TEAD1: variants seen among roughly 807,000 people sequenced by gnomAD.
TEAD1 encodes TEA domain transcription factor 1, also known as transcriptional enhancer factor TEF-1.
A neutral mutation model predicts 54.9 loss-of-function variants in TEAD1; 9 were observed. The observed-to-expected ratio is 0.16, with a 90% confidence interval of 0.10 to 0.29. The LOEUF (loss-of-function observed/expected upper bound fraction) is 0.29. Ranked by LOEUF, TEAD1 falls within the 10% of genes least tolerant of loss-of-function variation. The pLI is 1.00. For synonymous variants in TEAD1, 200 were observed against 187.8 expected, an observed-to-expected ratio of 1.07 and a Z score of -0.53; for missense variants, 387 against 535.9, an observed-to-expected ratio of 0.72 and a Z score of 2.74.
chr11:12,677,398 T>C (rs866055559), intron 2 of TEAD1, among the ~76,000 whole-genome samples: 4 of 152,064 alleles, frequency 2.6e-5, no homozygotes, highest in Middle Eastern at 3.2e-3. Flanking sequence ...CCTCCTCCCT[T>C]TCCCATTTCC....
intron 3 of TEAD1, among the ~76,000 whole-genome samples, chr11:12,785,635 C>A (rs1026763976): frequency 6.6e-6 from 1 of 152,148 alleles, no homozygotes; most frequent in East Asian, 1.9e-4. Context: ...CATCCCCTAC[C>A]GTCCTGGTCC....
intron 10 of TEAD1, among the ~76,000 whole-genome samples, chr11:12,919,541 G>A (rs1254141308): frequency 2.0e-5 from 3 of 151,870 alleles, no homozygotes; most frequent in Non-Finnish European, 4.4e-5. Context: ...TACCCAGGCT[G>A]GAGTGCAGTG....
intron 2 of TEAD1, among the ~76,000 whole-genome samples, chr11:12,688,888 C>T (rs557291101): frequency 1.4e-4 from 22 of 152,236 alleles, no homozygotes; most frequent in Admixed American, 9.8e-4. Context: ...GTTTTCCTCC[C>T]GAATAACATA....
chr11:12,861,898 A>G (rs1407234751), intron 3 of TEAD1, among the ~76,000 whole-genome samples: 1 of 152,058 alleles, frequency 6.6e-6, no homozygotes, highest in African/African-American at 2.4e-5. Context: ...AGGCAGGAGA[A>G]TCACTTGAAC....
At chr11:12,821,458 A>C (rs1437144786) in intron 3 of TEAD1, among the ~76,000 whole-genome samples, 1 of 152,222 alleles carries the variant, frequency 6.6e-6, no homozygotes, top group Non-Finnish European at 1.5e-5. Flanking sequence ...ATTTTTGTTC[A>C]TAATTGTATC....
intron 3 of TEAD1, chr11:12,848,957 A>G (rs943982856): frequency 6.6e-6 from 1 of 152,122 alleles, no homozygotes; most frequent in Non-Finnish European, 1.5e-5. Flanking sequence ...CTCACCAAAA[A>G]AATAAAATAA....
At chr11:12,843,536 CTT>C (rs751200366) in intron 3 of TEAD1, among the ~76,000 whole-genome samples, 34 of 152,172 alleles carry the variant, frequency 2.2e-4, no homozygotes, top group Non-Finnish European at 4.7e-4. Flanking sequence ...TTAAACCAGT[CTT>C]AGAGTAAATT....
At chr11:12,746,705 G>C (rs557725308) in intron 2 of TEAD1, among the ~76,000 whole-genome samples, 1 of 152,108 alleles carries the variant, frequency 6.6e-6, no homozygotes, top group African/African-American at 2.4e-5. Flanking sequence ...CACTTGGCCC[G>C]CATGCGTGGT....
Position 12,937,304 on chromosome 11 carries a change from G to C in TEAD1, c.*82G>C. 8.4e-7 allele frequency: 1 copy of C among 1,196,216 alleles called. No individual in the cohort carries two copies. The highest frequency in any genetic ancestry group is 1.2e-6 in the Non-Finnish European group (1 of 820,980). The allele number at this position is 1,196,216 out of a possible 1,614,324, so 74.1% of individuals were successfully genotyped here. On this transcript the variant is annotated 3_prime_UTR_variant, in exon 13 of 13. Coordinates refer to ENST00000527636, the MANE Select transcript of TEAD1 (RefSeq NM_021961.6). ...ACACACTCTCTCTCCATTATCGAAC[G>C]ACTGACTGTAAACCTCACCACACAG...
intron 12 of TEAD1, among the ~76,000 whole-genome samples, chr11:12,930,924 G>A (rs1027437153): frequency 1.3e-5 from 2 of 152,312 alleles, no homozygotes; most frequent in Middle Eastern, 3.4e-3. Flanking sequence ...AGAATAGAAT[G>A]CATGGAATGC....
chr11:12,915,610 G>A (rs1248010144), intron 10 of TEAD1, among the ~76,000 whole-genome samples: 1 of 152,244 alleles, frequency 6.6e-6, no homozygotes, highest in Non-Finnish European at 1.5e-5. Context: ...CACTTTGGGA[G>A]GCCGAGGCAG....
At chr11:12,833,425 A>G (rs916621534) in intron 3 of TEAD1, among the ~76,000 whole-genome samples, 4 of 152,250 alleles carry the variant, frequency 2.6e-5, no homozygotes, top group East Asian at 3.8e-4. Flanking sequence ...AATCTAATAT[A>G]TGCAAAGCAG....
intron 3 of TEAD1, among the ~76,000 whole-genome samples, chr11:12,767,097 G>T (rs1945222194): frequency 6.6e-6 from 1 of 152,188 alleles, no homozygotes. Context: ...TGCCCTGGTT[G>T]ACTGGGAGCT....
chr11:12,753,785 T>C (rs1365985027), intron 2 of TEAD1, among the ~76,000 whole-genome samples: 1 of 152,220 alleles, frequency 6.6e-6, no homozygotes, highest in Non-Finnish European at 1.5e-5. Flanking sequence ...ATTAGTGCTT[T>C]TGTGTTCCTT....
chr11:12,843,045 AT>A (rs148678147), intron 3 of TEAD1, among the ~76,000 whole-genome samples: 2 of 151,882 alleles, frequency 1.3e-5, no homozygotes, highest in Non-Finnish European at 1.5e-5. Context: ...GAAAAAAAAA[AT>A]TTTTTTTCTA....
intron 9 of TEAD1, among the ~76,000 whole-genome samples, chr11:12,895,375 A>C (rs1442945388): frequency 6.6e-6 from 1 of 152,224 alleles, no homozygotes; most frequent in African/African-American, 2.4e-5. Flanking sequence ...TTAAGATGGC[A>C]TCAGGTACTG....
Position 12,761,331 on chromosome 11 carries a change from G to C in TEAD1, c.-54-2848G>C, listed in dbSNP as rs1398732046. ...CTTATATTGAGTTGGAATATTCTTT[G>C]GAACTTCCCAAAGTGGATCTACATC... On this transcript the variant is annotated intron_variant, in intron 2 of 12. Coordinates refer to ENST00000527636, the MANE Select transcript of TEAD1 (RefSeq NM_021961.6). Among the ~76,000 whole-genome samples the C allele has an allele frequency of 1.1e-3, 162 of 152,254 alleles. 1 individual carries two copies. The highest frequency in any genetic ancestry group is 8.8e-5 in the Non-Finnish European group (6 of 68,030).
chr11:12,782,506 G>T (rs564291061), intron 3 of TEAD1, among the ~76,000 whole-genome samples: 8 of 152,326 alleles, frequency 5.3e-5, no homozygotes, highest in South Asian at 4.1e-4. Flanking sequence ...CTGCAAATGG[G>T]TATGGAGTTC....
At chr11:12,795,471 G>A (rs558348025) in intron 3 of TEAD1, among the ~76,000 whole-genome samples, 21 of 152,346 alleles carry the variant, frequency 1.4e-4, no homozygotes, top group African/African-American at 4.6e-4. Context: ...CAGGTTTAAA[G>A]AGGATCAGTA....
Sources: gnomAD v4.1 joint callset for allele counts (sites outside exome capture counted in the v4.1 genomes callset) on GRCh38, gnomAD v4.1.1 for gene constraint, MANE v1.5 for transcripts, NCBI Gene and HGNC (gene_info 2026-07-23, HGNC 2026-07-21) for gene names.